Variants in GTSE1 observed in about 807,000 individuals in gnomAD.
The protein encoded by GTSE1 is G2 and S phase-expressed protein 1.
Under a neutral mutation model 60.5 loss-of-function variants are expected in GTSE1, and 52 were observed. The ratio of observed to expected loss-of-function variants is 0.86; its 90% CI spans 0.69 to 1.08. The LOEUF (loss-of-function observed/expected upper bound fraction) is 1.08, where lower values mean the gene tolerates loss of function less well. Ranked by LOEUF, GTSE1 falls within the 50% of genes least tolerant of loss-of-function variation. The probability of loss-of-function intolerance (pLI) is 0.00; values close to 1 mark genes in which losing one functional copy is unlikely to be tolerated. For missense variants in GTSE1, 937 were observed against 961.8 expected, an observed-to-expected ratio of 0.97 and a Z score of 0.34; for synonymous variants, 368 against 386.5, an observed-to-expected ratio of 0.95 and a Z score of 0.56.
intron 2 of GTSE1, among the ~76,000 whole-genome samples, chr22:46,300,924 C>G (rs1465070985): frequency 2.0e-5 from 3 of 152,220 alleles, no homozygotes; most frequent in Non-Finnish European, 4.4e-5. Context: ...TGTCATCAGT[C>G]TCTTGGGTAT....
At chr22:46,302,001 A>G (rs546033452) in intron 2 of GTSE1, among the ~76,000 whole-genome samples, 38 of 152,178 alleles carry the variant, frequency 2.5e-4, no homozygotes, top group African/African-American at 8.7e-4. Flanking sequence ...GCTGGTTCAT[A>G]CTGATCCCAG....
chr22:46,299,959 ATTTTTTTTTTTT>A (rs130640), intron 2 of GTSE1, among the ~76,000 whole-genome samples: 1 of 100,210 alleles, frequency 1.0e-5, no homozygotes, highest in African/African-American at 4.0e-5. Flanking sequence ...CGCCCAGCTA[ATTTTTTTTTTTT>A]TTTTTTTTTT....
rs1049182292 is a variant in GTSE1 at position 46,317,871 on chromosome 22, G to A, written c.1432+1459G>A. Among the ~76,000 whole-genome samples the A allele has an allele frequency of 2.6e-5, 4 of 151,990 alleles. No homozygotes were observed. Among genetic ancestry groups the A allele is most frequent in the African/African-American group, 7.2e-5 (3 of 41,428 alleles). ...TCCGCTCGTTGCTCCCTGGTAAGAC[G>A]GCGGTTTCTCGGCCCTGTGAGCTCC... On this transcript the variant is annotated intron_variant, in intron 7 of 11. Coordinates refer to ENST00000454366, the MANE Select transcript of GTSE1 (RefSeq NM_016426.7). The surrounding 1 kb of genome is among the most constrained non-coding windows in gnomAD (Gnocchi z 5.6).
rs2147836970 is a variant in GTSE1 at position 46,330,810 on chromosome 22, A to T, written c.*680A>T. 6.6e-6 allele frequency: 1 copy of T among 152,426 alleles called. No individual in the cohort carries two copies. The highest frequency in any genetic ancestry group is 2.1e-4 in the South Asian group (1 of 4,832). 9.4% of individuals were successfully genotyped at this position (152,426 alleles called of 1,614,324 possible). A position where few individuals can be genotyped will look rare whatever the true frequency, so the allele number is the denominator to read the frequency against. ...AAAATAAATGGACTTATTGAAGCAT[A>T]TCTTGATTTTTAAGCTTATCTTGAT... On this transcript the variant is annotated 3_prime_UTR_variant, in exon 12 of 12. Coordinates refer to ENST00000454366, the MANE Select transcript of GTSE1 (RefSeq NM_016426.7). The surrounding 1 kb of genome is among the most constrained non-coding windows in gnomAD (Gnocchi z 6.0).
rs58294273 is a variant in GTSE1 at position 46,312,258 on chromosome 22, G to A, written c.880G>A (p.Gly294Arg). ...GGGTGCTGTCAATGTGCCGGCCGCC[G>A]GAAGCCACTTGGGCCAGGGCAAGCG... ...APGAVNVPAA[G>R]SHLGQGKRAI... The change falls in exon 5 of 12, where the codon GGA becomes AGA. Residue 294 changes from glycine (G) to arginine (R), a missense_variant. Physicochemically the swap from Gly to Arg is moderately radical, Grantham distance 125. Transcript: ENST00000454366. 92 of 1,614,012 alleles carry A rather than the reference G, an allele frequency of 5.7e-5. No individual in the cohort carries two copies. In the East Asian group the frequency reaches 7.1e-4, roughly 13 times the overall value.
In GTSE1 at chr22:46,297,529, G is replaced by A. The variant is rs1352836675; in HGVS notation, c.79+50G>A. 1 of 1,218,322 alleles carries A rather than the reference G, an allele frequency of 8.2e-7. No individual in the cohort carries two copies. The highest frequency in any genetic ancestry group is 2.4e-5 in the East Asian group (1 of 41,122). 75.5% of individuals were successfully genotyped at this position (1,218,322 alleles called of 1,614,324 possible). ...GTTGTTGTTCAGGATGTTCAGTAGA[G>A]ATGGAGGGTGATTTAATGTTTCCCT... On this transcript the variant is annotated intron_variant, in intron 2 of 11. Coordinates refer to ENST00000454366, the MANE Select transcript of GTSE1 (RefSeq NM_016426.7). This position sits in a 1 kb window ranked among gnomAD's most constrained non-coding sequence, Gnocchi z 4.9.
rs942453346 is a variant in GTSE1, at chr22:46,313,293, G to T, written c.928-597G>T. On this transcript the variant is annotated intron_variant, in intron 5 of 11. Transcript: ENST00000454366. This position sits in a 1 kb window ranked among gnomAD's most constrained non-coding sequence, Gnocchi z 4.4. ...GTAAACCAAGCTGTGTGTACTGGCA[G>T]TTCTTGTTAGAACTGCCCAAAGCTG... is the stretch of plus-strand genomic sequence containing the variant. 6.6e-6 allele frequency among the ~76,000 whole-genome samples: 1 copy of T among 151,996 alleles called. No homozygotes were observed. The highest frequency in any genetic ancestry group is 1.5e-5 in the Non-Finnish European group (1 of 68,020).
At position 46,308,560 on chromosome 22, in the gene GTSE1, G is replaced by A. The variant is rs1220431300; in HGVS notation, c.379G>A (p.Glu127Lys). 6 of 1,614,088 alleles carry A rather than the reference G, an allele frequency of 3.7e-6. No homozygotes were observed. Among genetic ancestry groups the A allele is most frequent in the Non-Finnish European group, 5.1e-6 (6 of 1,180,042 alleles). ...CCAGGCAGCCCAAGCTGCCAAGCCTGAAGACCCTCGGAGCCAGGGCGTGGA... is the reference window on the plus strand; with the variant it reads ...CCAGGCAGCCCAAGCTGCCAAGCCTAAAGACCCTCGGAGCCAGGGCGTGGA... ...RNQAAQAAKP[E>K]DPRSQGVERF... Residue 127 changes from glutamate to lysine, a missense_variant, in exon 4 of 12, where the codon GAA becomes AAA. Transcript: ENST00000454366.
Position 46,316,663 on chromosome 22 carries a change from A to G in GTSE1, c.1432+251A>G, listed in dbSNP as rs2077782928. On this transcript the variant is annotated intron_variant, in intron 7 of 11. Transcript: ENST00000454366. The surrounding 1 kb of genome is among the most constrained non-coding windows in gnomAD (Gnocchi z 5.0). ...AGGCTGCTTGTAAGGTTTTCTCTTT[A>G]GTGTTACTGTCGGGAATTTGATTAT... is the stretch of plus-strand genomic sequence containing the variant. Among the ~76,000 whole-genome samples, 1 of 151,860 alleles carries G rather than the reference A, an allele frequency of 6.6e-6. No individual in the cohort carries two copies. Among genetic ancestry groups the G allele is most frequent in the African/African-American group, 2.4e-5 (1 of 41,322 alleles).
At chr22:46,315,392 A>G (rs1383805693) in intron 6 of GTSE1, among the ~76,000 whole-genome samples, 5 of 152,026 alleles carry the variant, frequency 3.3e-5, no homozygotes, top group Admixed American at 2.0e-4. Context: ...GGATGGTCTC[A>G]CTATATTAGC....
intron 2 of GTSE1, among the ~76,000 whole-genome samples, chr22:46,298,792 C>T (rs887808139): frequency 2.6e-5 from 4 of 152,236 alleles, no homozygotes; most frequent in Non-Finnish European, 4.4e-5. Flanking sequence ...TTGAGGCCTT[C>T]CCCACTTCCG....
At chr22:46,301,189 A>G (rs1027373930) in intron 2 of GTSE1, among the ~76,000 whole-genome samples, 8 of 152,210 alleles carry the variant, frequency 5.3e-5, no homozygotes, top group East Asian at 3.8e-4. Context: ...GCTGTTACCA[A>G]TGATGCTGCA....
chr22:46,323,386 G>A, intron 8 of GTSE1, 124 bp downstream of exon 8: 1 of 764,708 alleles, frequency 1.3e-6, no homozygotes, highest in Non-Finnish European at 2.3e-6. Context: ...CAGTCTCTTG[G>A]GTGCAGGCCG....
rs532220662 is a variant in GTSE1 at position 46,322,913 on chromosome 22, G to A, written c.1433-277G>A. ...TGATGGGATATACAGCCAGGGTGGG[G>A]CGGCGCAGTGAAGATGGCTCTTCTC... On this transcript the variant is annotated intron_variant, in intron 7 of 11. Coordinates refer to ENST00000454366, the MANE Select transcript of GTSE1 (RefSeq NM_016426.7). Among the ~76,000 whole-genome samples the A allele has an allele frequency of 3.9e-5, 6 of 152,328 alleles. No individual in the cohort carries two copies. In the East Asian group the frequency reaches 9.6e-4, roughly 24 times the overall value.
rs1183601417 is a variant in GTSE1 at position 46,324,625 on chromosome 22, G to GC, written c.1505+1364dup. On this transcript the variant is annotated intron_variant, in intron 8 of 11. Transcript: ENST00000454366. The surrounding 1 kb of genome is among the most constrained non-coding windows in gnomAD (Gnocchi z 5.2). ...CTCGTGATCCACCAGCCTTGGCCTC[G>GC]CAAAGTGCTGGGATTACAGGTGTGA... is the stretch of plus-strand genomic sequence containing the variant. Among the ~76,000 whole-genome samples the GC allele has an allele frequency of 6.6e-6, 1 of 152,022 alleles. No homozygotes were observed. The highest frequency in any genetic ancestry group is 2.4e-5 in the African/African-American group (1 of 41,392).
rs965741341 is a variant in GTSE1 at position 46,318,999 on chromosome 22, C to T, written c.1432+2587C>T. 6.6e-6 allele frequency among the ~76,000 whole-genome samples: 1 copy of T among 152,156 alleles called. No individual in the cohort carries two copies. The highest frequency in any genetic ancestry group is 2.4e-5 in the African/African-American group (1 of 41,440). ...TCACTGCAAGTTGTCCCTGTGACTCCGTTTGTGTCCCATTGAGTACGACGC... is the reference window on the plus strand; with the variant it reads ...TCACTGCAAGTTGTCCCTGTGACTCTGTTTGTGTCCCATTGAGTACGACGC... On this transcript the variant is annotated intron_variant, in intron 7 of 11. Coordinates refer to ENST00000454366, the MANE Select transcript of GTSE1 (RefSeq NM_016426.7). The surrounding 1 kb of genome is among the most constrained non-coding windows in gnomAD (Gnocchi z 4.8).
rs751306718 is a variant in GTSE1 at position 46,329,999 on chromosome 22, G to A, written c.2137-48G>A. 9.0e-7 allele frequency: 1 copy of A among 1,113,142 alleles called. No homozygotes were observed. Among genetic ancestry groups the A allele is most frequent in the East Asian group, 2.3e-5 (1 of 42,626 alleles). 69.0% of individuals were successfully genotyped at this position (1,113,142 alleles called of 1,614,324 possible). On this transcript the variant is annotated intron_variant, in intron 11 of 11. Coordinates refer to ENST00000454366, the MANE Select transcript of GTSE1 (RefSeq NM_016426.7). The surrounding 1 kb of genome is among the most constrained non-coding windows in gnomAD (Gnocchi z 6.4). Reference sequence around the variant, plus strand: ...TCCTCTGTGCAGGGAGGGGAAGGGAGGCCCTAGCCGGATCCACGCTCACCT... The same window carrying A: ...TCCTCTGTGCAGGGAGGGGAAGGGAAGCCCTAGCCGGATCCACGCTCACCT...
chr22:46,328,635 A>G, intron 9 of GTSE1, 53 bp from the exon 10 acceptor site: 1 of 1,408,806 alleles, frequency 7.1e-7, no homozygotes, highest in Non-Finnish European at 1.0e-6. Context: ...ACATCAGCCA[A>G]GTGAACGAGC....
rs975981284 is a variant in GTSE1, at chr22:46,297,858, C to T, written c.79+379C>T. Among the ~76,000 whole-genome samples the T allele has an allele frequency of 6.6e-6, 1 of 152,014 alleles. No homozygotes were observed. Among genetic ancestry groups the T allele is most frequent in the Non-Finnish European group, 1.5e-5 (1 of 67,968 alleles). ...TAATGAGTAAGCCTGGCCCCAAACC[C>T]CTTTCTTCTTGTGTCTTTGACTGGT... On this transcript the variant is annotated intron_variant, in intron 2 of 11. Coordinates refer to ENST00000454366, the MANE Select transcript of GTSE1 (RefSeq NM_016426.7). The surrounding 1 kb of genome is among the most constrained non-coding windows in gnomAD (Gnocchi z 4.9).
Sources: gnomAD v4.1 joint callset for allele counts (sites outside exome capture counted in the v4.1 genomes callset) on GRCh38, gnomAD v4.1.1 for gene constraint, Gnocchi (gnomAD v3.1) non-coding constraint, MANE v1.5 for transcripts, NCBI Gene and HGNC (gene_info 2026-07-23, HGNC 2026-07-21) for gene names.